Variants in KCNIP4 observed in about 807,000 individuals in gnomAD.
The protein encoded by KCNIP4 is potassium voltage-gated channel interacting protein 4, also known as Kv channel-interacting protein 4.
In KCNIP4, 12 loss-of-function variants were observed where a neutral mutation model predicts 34.0. That is an observed-to-expected ratio of 0.35 (90% CI 0.23 to 0.57). The LOEUF is 0.57. KCNIP4 is among the 20% of genes least tolerant of loss of function. KCNIP4 has a pLI of 0.83. For synonymous variants in KCNIP4, 124 were observed against 102.2 expected (o/e 1.21, Z -1.29); for missense variants, 238 against 311.7 (o/e 0.76, Z 1.78).
At chr4:21,017,488 A>T (rs946445517) in intron 1 of KCNIP4, among the ~76,000 whole-genome samples, 2 of 152,126 alleles carry the variant, frequency 1.3e-5, no homozygotes, top group East Asian at 1.9e-4. Flanking sequence ...AATGGCTTCC[A>T]ATTCCATCCA....
chr4:21,922,006 A>G (rs1176968938), intron 1 of KCNIP4, among the ~76,000 whole-genome samples: 1 of 151,990 alleles, frequency 6.6e-6, no homozygotes, highest in African/African-American at 2.4e-5. Flanking sequence ...GACTCATCTC[A>G]CATCTCTCTG....
intron 1 of KCNIP4, among the ~76,000 whole-genome samples, chr4:21,646,279 C>T (rs1747011682): frequency 6.6e-6 from 1 of 152,116 alleles, no homozygotes; most frequent in Admixed American, 6.6e-5. Context: ...CAATGTAGTT[C>T]CCACTGCCCG....
chr4:21,944,716 G>A (rs1197581613), intron 1 of KCNIP4, among the ~76,000 whole-genome samples: 5 of 152,262 alleles, frequency 3.3e-5, no homozygotes, highest in Non-Finnish European at 7.3e-5. Flanking sequence ...TGGTGGACAG[G>A]ACAGAATACT....
chr4:21,455,927 G>C lies in KCNIP4; in HGVS notation c.61+492644C>G, dbSNP rs185523896. On this transcript the variant is annotated intron_variant, in intron 1 of 8. Transcript: ENST00000382152. ...ATTAGGCTCAGAGAGAATTGGCTAA[G>C]TTGAACATTTAGTAAGTGGAAATCT... Among the ~76,000 whole-genome samples the C allele has an allele frequency of 1.8e-4, 23 of 131,046 alleles. 4 individuals are homozygous for C. Among genetic ancestry groups the C allele is most frequent in the African/African-American group, 7.7e-4 (22 of 28,598 alleles). The allele number at this position is 131,046 out of a possible 152,430, so 86.0% of individuals were successfully genotyped here. A position where few individuals can be genotyped will look rare whatever the true frequency, so the allele number is the denominator to read the frequency against.
chr4:20,885,415 A>T (rs75908132), intron 1 of KCNIP4, among the ~76,000 whole-genome samples: 11,150 of 140,310 alleles, frequency 0.079, 551 homozygotes, highest in East Asian at 0.27. Context: ...CCTGCCAACC[A>T]GTCCTGTGAC....
chr4:21,540,976 G>A (rs913102351), intron 1 of KCNIP4, among the ~76,000 whole-genome samples: 14 of 152,076 alleles, frequency 9.2e-5, no homozygotes, highest in South Asian at 6.2e-4. Context: ...TTTGAGACCA[G>A]CCTGTCCAAC....
chr4:21,252,935 C>A (rs1760821166), intron 1 of KCNIP4, among the ~76,000 whole-genome samples: 1 of 152,012 alleles, frequency 6.6e-6, no homozygotes, highest in South Asian at 2.1e-4. Context: ...TTCCTATCAT[C>A]TATGAGATGA....
intron 1 of KCNIP4, among the ~76,000 whole-genome samples, chr4:21,392,097 G>T (rs939084588): frequency 6.6e-6 from 1 of 152,136 alleles, no homozygotes; most frequent in African/African-American, 2.4e-5. Flanking sequence ...CATACATCTT[G>T]CAGGAGATAG....
At chr4:20,781,326 T>A (rs964933972) in intron 3 of KCNIP4, among the ~76,000 whole-genome samples, 2 of 152,248 alleles carry the variant, frequency 1.3e-5, no homozygotes, top group African/African-American at 4.8e-5. Flanking sequence ...GTAAGCCAGG[T>A]ACAAATAAAT....
intron 1 of KCNIP4, among the ~76,000 whole-genome samples, chr4:21,558,822 G>A (rs1485934079): frequency 6.6e-6 from 1 of 152,154 alleles, no homozygotes; most frequent in African/African-American, 2.4e-5. Context: ...GTAATGTTAA[G>A]ACTTTATTGA....
intron 1 of KCNIP4, among the ~76,000 whole-genome samples, chr4:21,362,142 G>GCTCC (rs770896455): frequency 6.6e-6 from 1 of 152,126 alleles, no homozygotes; most frequent in Non-Finnish European, 1.5e-5. Flanking sequence ...TGCACACTCA[G>GCTCC]CTCCTGTTGT....
chr4:20,968,369 C>T lies in KCNIP4; in HGVS notation c.62-85660G>A, dbSNP rs575535138. ...TCAACCATTGTGGAAGACAATGTGGCGATTCCTCAAGGATCTAGAACCAGA... is the reference window on the plus strand; with the variant it reads ...TCAACCATTGTGGAAGACAATGTGGTGATTCCTCAAGGATCTAGAACCAGA... On this transcript the variant is annotated intron_variant, in intron 1 of 8. Coordinates refer to ENST00000382152, the MANE Select transcript of KCNIP4 (RefSeq NM_025221.6). 5.3e-4 allele frequency among the ~76,000 whole-genome samples: 80 copies of T among 152,158 alleles called. 2 individuals carry two copies. Among genetic ancestry groups the T allele is most frequent in the African/African-American group, 1.8e-3 (74 of 41,512 alleles).
chr4:21,369,744 G>A (rs1720141790), intron 1 of KCNIP4, among the ~76,000 whole-genome samples: 1 of 147,086 alleles, frequency 6.8e-6, no homozygotes, highest in Non-Finnish European at 1.5e-5. Flanking sequence ...GGAAAGTGAG[G>A]CTTAAAGAAA....
intron 1 of KCNIP4, among the ~76,000 whole-genome samples, chr4:21,566,816 A>G (rs952218106): frequency 6.6e-6 from 1 of 152,118 alleles, no homozygotes; most frequent in African/African-American, 2.4e-5. Context: ...TGAACCAGAC[A>G]TCAGTTGCTG....
intron 1 of KCNIP4, among the ~76,000 whole-genome samples, chr4:21,018,024 G>A (rs1020634495): frequency 2.0e-5 from 3 of 152,110 alleles, no homozygotes; most frequent in Non-Finnish European, 2.9e-5. Context: ...AAAAACTCAC[G>A]GATGTACCAC....
intron 1 of KCNIP4, among the ~76,000 whole-genome samples, chr4:21,878,783 T>C (rs943566751): frequency 6.6e-6 from 1 of 152,184 alleles, no homozygotes; most frequent in African/African-American, 2.4e-5. Context: ...CTACATGTAC[T>C]TCCCACACCT....
Position 20,882,727 on chromosome 4 carries a change from A to G in KCNIP4, c.62-18T>C. The G allele has an allele frequency of 6.3e-7, 1 of 1,583,470 alleles. No homozygotes were observed. Reference sequence around the variant, plus strand: ...CAGGAAACCTAGAAGATACAGGATCAGTTCTGTTAATGCTGTCTGCAGAGA... The same window carrying G: ...CAGGAAACCTAGAAGATACAGGATCGGTTCTGTTAATGCTGTCTGCAGAGA... On this transcript the variant is annotated intron_variant, in intron 1 of 8. Coordinates refer to ENST00000382152, the MANE Select transcript of KCNIP4 (RefSeq NM_025221.6).
At chr4:21,055,970 T>C (rs931172337) in intron 1 of KCNIP4, among the ~76,000 whole-genome samples, 4 of 152,118 alleles carry the variant, frequency 2.6e-5, no homozygotes, top group African/African-American at 9.7e-5. Context: ...TCAGTGTAGG[T>C]TCATCAAGTG....
At chr4:21,090,493 A>G (rs1211414319) in intron 1 of KCNIP4, among the ~76,000 whole-genome samples, 1 of 152,208 alleles carries the variant, frequency 6.6e-6, no homozygotes, top group East Asian at 1.9e-4. Context: ...GTGTGTTCTC[A>G]CCAGATACAC....
Sources: allele counts gnomAD v4.1 joint callset (sites outside exome capture counted in the v4.1 genomes callset), GRCh38; gene constraint gnomAD v4.1.1; transcripts MANE v1.5; gene names NCBI Gene and HGNC (gene_info 2026-07-23, HGNC 2026-07-21).